SLCO1B1: variants seen among roughly 807,000 people sequenced by gnomAD.
SLCO1B1 encodes the protein solute carrier organic anion transporter family member 1B1.
Under a neutral mutation model 70.1 loss-of-function variants are expected in SLCO1B1, and 81 were observed. The observed-to-expected ratio is 1.16, with a 90% CI of 0.97 to 1.39. The LOEUF is 1.39. SLCO1B1 is among the 40% of genes most tolerant of loss of function. The probability of loss-of-function intolerance (pLI) is 0.00; values close to 1 mark genes in which losing one functional copy is unlikely to be tolerated. For synonymous variants in SLCO1B1, 283 were observed against 271.5 expected, an observed-to-expected ratio of 1.04 and a Z score of -0.42; for missense variants, 895 against 799.6, an observed-to-expected ratio of 1.12 and a Z score of -1.44.
intron 7 of SLCO1B1, among the ~76,000 whole-genome samples, chr12:21,194,643 T>C (rs1476979901): frequency 6.6e-6 from 1 of 152,174 alleles, no homozygotes; most frequent in East Asian, 1.9e-4. Context: ...TCCAAGCTCT[T>C]GTAAGCTCTG....
intron 14 of SLCO1B1, among the ~76,000 whole-genome samples, chr12:21,225,542 A>T (rs929602912): frequency 6.6e-6 from 1 of 152,230 alleles, no homozygotes; most frequent in Non-Finnish European, 1.5e-5. Context: ...AGCAGAAACT[A>T]AGTATGACCC....
chr12:21,185,117 T>C (rs1016085485), intron 7 of SLCO1B1, among the ~76,000 whole-genome samples: 8 of 152,130 alleles, frequency 5.3e-5, no homozygotes, highest in Non-Finnish European at 1.2e-4. Flanking sequence ...ACAAAAAAGA[T>C]TCTTAGAGAC....
chr12:21,149,678 C>T (rs1227172823), intron 2 of SLCO1B1, among the ~76,000 whole-genome samples: 2 of 152,176 alleles, frequency 1.3e-5, no homozygotes, highest in Admixed American at 6.5e-5. Flanking sequence ...GGTCCAGATA[C>T]TATGCTTTTC....
At chr12:21,144,191 GT>G (rs1455818157) in intron 2 of SLCO1B1, among the ~76,000 whole-genome samples, 1 of 152,070 alleles carries the variant, frequency 6.6e-6, no homozygotes, top group Non-Finnish European at 1.5e-5. Flanking sequence ...CAATTCAAGA[GT>G]TTAAAGATGA....
chr12:21,192,453 TTTTG>T lies in SLCO1B1; in HGVS notation c.728-4484_728-4481del, dbSNP rs539562169. Reference sequence around the variant, plus strand: ...TAAATGTCTCTACTTTCAGCTCTTATTTTGTTTGTTTGAGTCTTTTCTCTTTTGC... The same window carrying T: ...TAAATGTCTCTACTTTCAGCTCTTATTTTGTTTGAGTCTTTTCTCTTTTGC... On this transcript the variant is annotated intron_variant, in intron 7 of 14. Transcript: ENST00000256958. 7.9e-3 allele frequency among the ~76,000 whole-genome samples: 1,203 copies of T among 152,024 alleles called. 6 individuals carry two copies. The highest frequency in any genetic ancestry group is 0.015 in the South Asian group (74 of 4,830).
chr12:21,150,792 C>T (rs1940461661), intron 2 of SLCO1B1, among the ~76,000 whole-genome samples: 1 of 152,104 alleles, frequency 6.6e-6, no homozygotes, highest in African/African-American at 2.4e-5. Context: ...CTCATCTCCT[C>T]CAAAGGATCA....
intron 2 of SLCO1B1, among the ~76,000 whole-genome samples, chr12:21,169,190 G>A (rs1011111365): frequency 6.6e-6 from 1 of 152,002 alleles, no homozygotes; most frequent in African/African-American, 2.4e-5. Flanking sequence ...TGTAACTTTT[G>A]ACAGTTTGAT....
intron 4 of SLCO1B1, among the ~76,000 whole-genome samples, chr12:21,175,268 A>T (rs1340352517): frequency 6.6e-6 from 1 of 152,150 alleles, no homozygotes; most frequent in Non-Finnish European, 1.5e-5. Context: ...TCATGATCCA[A>T]ATTGTGGCAA....
chr12:21,135,831 T>C (rs1470392742), intron 1 of SLCO1B1, among the ~76,000 whole-genome samples: 1 of 152,236 alleles, frequency 6.6e-6, no homozygotes. Flanking sequence ...TTAGCCCATT[T>C]ACATTTAAAG....
At chr12:21,230,393 C>A (rs138711396) in intron 14 of SLCO1B1, among the ~76,000 whole-genome samples, 1 of 132,174 alleles carries the variant, frequency 7.6e-6, no homozygotes, top group South Asian at 2.4e-4. Flanking sequence ...GGCAATGGTG[C>A]GATCATGGCT....
At chr12:21,185,235 TAAACTC>T (rs1422853108) in intron 7 of SLCO1B1, among the ~76,000 whole-genome samples, 8 of 152,182 alleles carry the variant, frequency 5.3e-5, no homozygotes, top group African/African-American at 1.4e-4. Flanking sequence ...ATTTTGGACT[TAAACTC>T]AACTCTCAAC....
intron 14 of SLCO1B1, among the ~76,000 whole-genome samples, chr12:21,230,286 G>A (rs1185143637): frequency 1.4e-5 from 2 of 147,360 alleles, no homozygotes; most frequent in Non-Finnish European, 3.0e-5. Flanking sequence ...GAGAATTTTT[G>A]CGTCTATGTT....
At chr12:21,197,326 T>A in intron 8 of SLCO1B1, 138 bp downstream of exon 8, 1 of 846,116 alleles carries the variant, frequency 1.2e-6, no homozygotes, top group Non-Finnish European at 1.8e-6. Flanking sequence ...TAAATTATTT[T>A]TCTAAAACTC....
chr12:21,221,144 G>T (rs1005872707), intron 12 of SLCO1B1, among the ~76,000 whole-genome samples: 1 of 152,014 alleles, frequency 6.6e-6, no homozygotes, highest in Admixed American at 6.5e-5. Context: ...AACAATCTGG[G>T]CATCAAAGGA....
At chr12:21,236,140 C>G (rs1407984164) in intron 14 of SLCO1B1, among the ~76,000 whole-genome samples, 1 of 152,154 alleles carries the variant, frequency 6.6e-6, no homozygotes, top group African/African-American at 2.4e-5. Context: ...AAATTACCCT[C>G]TATCCAGATT....
At chr12:21,174,896 C>A (rs180882600) in intron 4 of SLCO1B1, among the ~76,000 whole-genome samples, 187 bp downstream of exon 4, 2 of 152,092 alleles carry the variant, frequency 1.3e-5, no homozygotes, top group Admixed American at 1.3e-4. Flanking sequence ...CTTTCATATA[C>A]TTTGAAATAA....
chr12:21,169,355 T>C (rs928289056), intron 2 of SLCO1B1, among the ~76,000 whole-genome samples: 1 of 152,150 alleles, frequency 6.6e-6, no homozygotes, highest in African/African-American at 2.4e-5. Flanking sequence ...TCTCTTCTGG[T>C]ATTCCCATAA....
At chr12:21,206,204 A>G (rs1256895969) in intron 11 of SLCO1B1, among the ~76,000 whole-genome samples, 171 bp downstream of exon 11, 1 of 151,814 alleles carries the variant, frequency 6.6e-6, no homozygotes, top group Non-Finnish European at 1.5e-5. Context: ...GTTTTATATA[A>G]AAGTCTGCTT....
intron 2 of SLCO1B1, among the ~76,000 whole-genome samples, chr12:21,163,654 C>A (rs1252180282): frequency 3.3e-5 from 5 of 152,080 alleles, no homozygotes; most frequent in African/African-American, 1.2e-4. Context: ...GGTGACAGTT[C>A]TCTTCTTGCT....
Sources: allele counts gnomAD v4.1 joint callset (sites outside exome capture counted in the v4.1 genomes callset), GRCh38; gene constraint gnomAD v4.1.1; transcripts MANE v1.5; gene names NCBI Gene and HGNC (gene_info 2026-07-23, HGNC 2026-07-21).